The following SYCP2 variants were observed in gnomAD, a reference collection of about 807,000 sequenced individuals.
SYCP2 encodes synaptonemal complex protein 2.
SYCP2 carries 55 observed loss-of-function variants against 211.3 expected under a neutral mutation model. The observed-to-expected ratio is 0.26, with a 90% CI of 0.21 to 0.33. SYCP2 has a LOEUF of 0.33. Among genes scored for constraint, SYCP2 ranks in the 10% least tolerant of loss-of-function variants. The pLI is 1.00. For synonymous variants in SYCP2, 570 were observed against 555.2 expected (o/e 1.03, Z -0.37); for missense variants, 1,731 against 1,752.0 (o/e 0.99, Z 0.21).
intron 8 of SYCP2, 126 bp from the exon 9 acceptor site, chr20:59,915,676 G>A (rs1268345611): frequency 4.8e-6 from 3 of 629,660 alleles, no homozygotes; most frequent in Admixed American, 2.8e-5. Flanking sequence ...TTATGGGAAT[G>A]GAGTAGGATG....
intron 33 of SYCP2, among the ~76,000 whole-genome samples, chr20:59,877,155 G>GATTCAGACATCTGTT (rs2059576584): frequency 1.3e-5 from 2 of 152,098 alleles, no homozygotes; most frequent in African/African-American, 2.4e-5. Context: ...CTATCATCAA[G>GATTCAGACATCTGTT]TTATAATTTC....
chr20:59,901,351 A>T (rs144407857), intron 16 of SYCP2, among the ~76,000 whole-genome samples: 187 of 152,140 alleles, frequency 1.2e-3, no homozygotes, highest in African/African-American at 4.3e-3. Flanking sequence ...CTGATGTATC[A>T]TGTGTGTAAT....
Position 59,865,587 on chromosome 20 carries a change from C to G in SYCP2, c.4444G>C (p.Val1482Leu), listed in dbSNP as rs1252469308. Residue 1482 changes from valine (V) to leucine (L), a missense_variant, in exon 43 of 45, where the codon GTT (valine) becomes CTT (leucine). Physicochemically the swap from Val to Leu is conservative, Grantham distance 32. Around this residue, in one of 3 missense-constraint regions of SYCP2, gnomAD observed 1,387 missense variants for 1,351.3 expected, o/e 1.03. Coordinates refer to ENST00000357552, the MANE Select transcript of SYCP2 (RefSeq NM_014258.4). ...AAAATTTATACCTCGGATGTAAAAACAGTTTCTTCACTATCAGTATTACAG... is the reference window on the plus strand; with the variant it reads ...AAAATTTATACCTCGGATGTAAAAAGAGTTTCTTCACTATCAGTATTACAG... ...VFCNTDSEET[V>L]FTSEMCLMKE... 2.5e-6 allele frequency: 4 copies of G among 1,602,800 alleles called. No homozygotes were observed. In the African/African-American group the frequency reaches 5.4e-5, roughly 22 times the overall value.
chr20:59,894,006 C>T (rs6071010), intron 20 of SYCP2, among the ~76,000 whole-genome samples: 3,029 of 152,046 alleles, frequency 0.02, 42 homozygotes, highest in Middle Eastern at 0.041. Context: ...CATCAGATAT[C>T]GAAGAGGACG....
chr20:59,911,929 C>A, intron 13 of SYCP2, 84 bp from the exon 14 acceptor site: 1 of 543,052 alleles, frequency 1.8e-6, no homozygotes, highest in East Asian at 3.4e-5. Flanking sequence ...ATGGCTAAAG[C>A]AAGAAAACAA....
At chr20:59,918,686 T>C (rs1168584608) in intron 7 of SYCP2, among the ~76,000 whole-genome samples, 1 of 152,194 alleles carries the variant, frequency 6.6e-6, no homozygotes, top group East Asian at 1.9e-4. Flanking sequence ...GTATTTGGCA[T>C]TGTCTGCATG....
intron 19 of SYCP2, 47 bp from the exon 20 acceptor site, chr20:59,895,644 G>C: frequency 6.3e-7 from 1 of 1,592,034 alleles, no homozygotes; most frequent in Non-Finnish European, 8.6e-7. Flanking sequence ...TTTACCTATT[G>C]CTATTATTGA....
chr20:59,915,722 C>T (rs2060426914), intron 8 of SYCP2, 172 bp from the exon 9 acceptor site: 2 of 486,754 alleles, frequency 4.1e-6, no homozygotes, highest in Non-Finnish European at 7.3e-6. Flanking sequence ...ATAGGCCAGG[C>T]ATGGTGGCTC....
intron 18 of SYCP2, among the ~76,000 whole-genome samples, chr20:59,897,091 T>G (rs2060024297): frequency 6.6e-6 from 1 of 152,014 alleles, no homozygotes; most frequent in South Asian, 2.1e-4. Flanking sequence ...TCACACTAAT[T>G]TATAAGAGGG....
At chr20:59,908,073 C>A (rs552840148) in intron 14 of SYCP2, among the ~76,000 whole-genome samples, 1 of 152,080 alleles carries the variant, frequency 6.6e-6, no homozygotes, top group African/African-American at 2.4e-5. Flanking sequence ...GGTGAAACCC[C>A]GTCTCTACTA....
intron 15 of SYCP2, among the ~76,000 whole-genome samples, chr20:59,902,053 G>A (rs1168125491): frequency 6.6e-6 from 1 of 151,976 alleles, no homozygotes; most frequent in Non-Finnish European, 1.5e-5. Context: ...TAATAAGATA[G>A]AATCCTAAAT....
intron 24 of SYCP2, 66 bp downstream of exon 24, chr20:59,891,924 T>C: frequency 7.3e-7 from 1 of 1,361,458 alleles, no homozygotes; most frequent in Non-Finnish European, 1.0e-6. Context: ...CAAGTTTCTT[T>C]CTTTCTTATG....
At chr20:59,870,531 C>T (rs758469870) in intron 35 of SYCP2, among the ~76,000 whole-genome samples, 1 of 151,532 alleles carries the variant, frequency 6.6e-6, no homozygotes, top group Non-Finnish European at 1.5e-5. Context: ...GGAGACTTCA[C>T]CCAACTTTGC....
chr20:59,914,064 A>G (rs765686269), intron 11 of SYCP2, 37 bp from the exon 12 acceptor site: 9 of 1,569,610 alleles, frequency 5.7e-6, no homozygotes, highest in Non-Finnish European at 6.1e-6. Flanking sequence ...AAATCATAAT[A>G]ATTTTTAAAA....
At chr20:59,910,959 C>G (rs1360903503) in intron 14 of SYCP2, among the ~76,000 whole-genome samples, 5 of 151,952 alleles carry the variant, frequency 3.3e-5, no homozygotes, top group Admixed American at 1.3e-4. Context: ...GCAATAAAGG[C>G]ATGTGGAAAT....
At chr20:59,867,628 A>T (rs2059376723) in intron 39 of SYCP2, 83 bp downstream of exon 39, 2 of 1,242,740 alleles carry the variant, frequency 1.6e-6, no homozygotes, top group Non-Finnish European at 2.3e-6. Flanking sequence ...TTGCCAAAGG[A>T]TCAAACAAGC....
Position 59,895,591 on chromosome 20 carries a change from G to C in SYCP2, c.1511C>G (p.Pro504Arg). ...TGGTTTAATTCTTCTTCTTCGTGGT[G>C]GTATTGCTAAAAAGGAGGACAAGGA... ...SPVLFSNTSIPPRRRRIKPPL... is the reference protein window; with the variant it reads ...SPVLFSNTSIRPRRRRIKPPL... Residue 504 changes from proline to arginine, a missense_variant, in exon 20 of 45, where the codon CCA (proline) becomes CGA (arginine). Transcript: ENST00000357552. The C allele has an allele frequency of 6.2e-7, 1 of 1,612,468 alleles. No homozygotes were observed. Among genetic ancestry groups the C allele is most frequent in the African/African-American group, 1.3e-5 (1 of 74,868 alleles).
At chr20:59,898,532 A>C (rs1041997406) in intron 18 of SYCP2, among the ~76,000 whole-genome samples, 2 of 152,140 alleles carry the variant, frequency 1.3e-5, no homozygotes, top group South Asian at 4.1e-4. Flanking sequence ...GAACACAGGG[A>C]GAAGAACATC....
chr20:59,919,442 T>A, intron 6 of SYCP2, 51 bp downstream of exon 6: 1 of 1,363,164 alleles, frequency 7.3e-7, no homozygotes, highest in Non-Finnish European at 1.0e-6. Context: ...AAATTGTTTT[T>A]TAAATAAACA....
Sources: allele counts gnomAD v4.1 joint callset (sites outside exome capture counted in the v4.1 genomes callset), GRCh38; gene constraint gnomAD v4.1.1; regional missense constraint gnomAD v4.1.1; transcripts MANE v1.5; gene names NCBI Gene and HGNC (gene_info 2026-07-23, HGNC 2026-07-21).